Variants in PDE4D observed in about 807,000 individuals in gnomAD.
The protein encoded by PDE4D is 3',5'-cyclic-AMP phosphodiesterase 4D.
Under a neutral mutation model 87.4 loss-of-function variants are expected in PDE4D, and 24 were observed. The observed-to-expected ratio is 0.27, with a 90% CI of 0.20 to 0.39. The LOEUF is 0.39. Ranked by LOEUF, PDE4D falls within the 10% of genes least tolerant of loss-of-function variation. The pLI is 1.00. For missense variants in PDE4D, 714 were observed against 1,041.0 expected (o/e 0.69, Z 4.32); for synonymous variants, 384 against 383.2 (o/e 1.00, Z -0.02).
chr5:59,714,409 G>A (rs1026774552), intron 1 of PDE4D, among the ~76,000 whole-genome samples: 1 of 152,230 alleles, frequency 6.6e-6, no homozygotes, highest in African/African-American at 2.4e-5. Flanking sequence ...GGAACTGGCT[G>A]AGGTGCCTGG....
At chr5:59,767,831 G>A (rs1762991752) in intron 1 of PDE4D, among the ~76,000 whole-genome samples, 1 of 152,118 alleles carries the variant, frequency 6.6e-6, no homozygotes, top group Admixed American at 6.6e-5. Flanking sequence ...GGATCATGCA[G>A]AAAACAGAGC....
chr5:59,914,866 G>GT (rs1554112455), intron 3 of PDE4D, among the ~76,000 whole-genome samples: 5 of 122,620 alleles, frequency 4.1e-5, no homozygotes, highest in Admixed American at 2.6e-4. Flanking sequence ...TACTGATAGG[G>GT]GTGTGTGTGT....
At chr5:59,101,145 AG>A (rs1354982235) in intron 5 of PDE4D, among the ~76,000 whole-genome samples, 1 of 152,132 alleles carries the variant, frequency 6.6e-6, no homozygotes, top group African/African-American at 2.4e-5. Context: ...CTTCTTGAGC[AG>A]GCAGCTTAGG....
At chr5:59,293,379 G>A (rs1768424048) in intron 1 of PDE4D, among the ~76,000 whole-genome samples, 1 of 152,014 alleles carries the variant, frequency 6.6e-6, no homozygotes, top group Non-Finnish European at 1.5e-5. Context: ...AAAATAGGAG[G>A]ATCATTAATT....
chr5:59,708,206 T>C lies in PDE4D; in HGVS notation c.455+184962A>G, dbSNP rs146312724. On this transcript the variant is annotated intron_variant, in intron 1 of 14. Transcript: ENST00000340635. ...GTTTTGATTTGCATTTCTCAAATGA[T>C]CAGTGATGTTGAGCTTTTTTTTCAT... 1.4e-3 allele frequency among the ~76,000 whole-genome samples: 213 copies of C among 152,214 alleles called. 1 individual carries two copies. The highest frequency in any genetic ancestry group is 4.7e-3 in the African/African-American group (197 of 41,536).
At chr5:59,701,860 G>A (rs1233655794) in intron 1 of PDE4D, among the ~76,000 whole-genome samples, 1 of 152,164 alleles carries the variant, frequency 6.6e-6, no homozygotes, top group Non-Finnish European at 1.5e-5. Flanking sequence ...TTTGCATCCA[G>A]ACCTGAGGCC....
At chr5:59,055,451 C>T (rs1762195024) in intron 5 of PDE4D, among the ~76,000 whole-genome samples, 1 of 152,174 alleles carries the variant, frequency 6.6e-6, no homozygotes, top group Admixed American at 6.5e-5. Context: ...TTGTCTGCCC[C>T]CATTATTCCC....
At chr5:60,494,204 G>T (rs1457068087) in intron 1 of PDE4D, among the ~76,000 whole-genome samples, 1 of 152,196 alleles carries the variant, frequency 6.6e-6, no homozygotes, top group Non-Finnish European at 1.5e-5. Flanking sequence ...AGTTGAATGA[G>T]CTAAGCTAAG....
At chr5:59,782,348 T>G (rs1273281809) in intron 1 of PDE4D, among the ~76,000 whole-genome samples, 1 of 152,236 alleles carries the variant, frequency 6.6e-6, no homozygotes, top group Non-Finnish European at 1.5e-5. Context: ...ACCCACTTTT[T>G]AAACGGGAAC....
intron 1 of PDE4D, among the ~76,000 whole-genome samples, chr5:59,707,861 G>T (rs991383593): frequency 1.3e-5 from 2 of 152,114 alleles, no homozygotes; most frequent in Admixed American, 6.6e-5. Context: ...GTCTATCATT[G>T]ATGGGCATTT....
At chr5:59,158,919 T>C (rs1425811430) in intron 5 of PDE4D, among the ~76,000 whole-genome samples, 1 of 152,160 alleles carries the variant, frequency 6.6e-6, no homozygotes, top group Non-Finnish European at 1.5e-5. Flanking sequence ...ACGGTTCTAG[T>C]TGAAAAGGGC....
chr5:59,338,615 G>A (rs1042807571), intron 1 of PDE4D, among the ~76,000 whole-genome samples: 6 of 152,148 alleles, frequency 3.9e-5, no homozygotes, highest in Non-Finnish European at 7.3e-5. Flanking sequence ...TTTCTGTGAG[G>A]AAGGCAGAGG....
At chr5:60,461,624 G>A (rs769555351) in intron 1 of PDE4D, among the ~76,000 whole-genome samples, 1 of 152,186 alleles carries the variant, frequency 6.6e-6, no homozygotes, top group African/African-American at 2.4e-5. Context: ...AAACCACAGA[G>A]GGAATGGCTG....
chr5:60,476,557 G>C (rs1417978774), intron 1 of PDE4D, among the ~76,000 whole-genome samples: 1 of 152,194 alleles, frequency 6.6e-6, no homozygotes, highest in Non-Finnish European at 1.5e-5. Flanking sequence ...CACTTAGAAA[G>C]AATGTAACGA....
At chr5:59,143,893 T>C (rs77668291) in intron 5 of PDE4D, among the ~76,000 whole-genome samples, 1 of 152,198 alleles carries the variant, frequency 6.6e-6, no homozygotes, top group Non-Finnish European at 1.5e-5. Context: ...TGATAGAGTC[T>C]AAAGTTTTAA....
chr5:60,338,794 G>A (rs913114408), intron 1 of PDE4D, among the ~76,000 whole-genome samples: 2 of 151,960 alleles, frequency 1.3e-5, no homozygotes, highest in Admixed American at 6.6e-5. Flanking sequence ...AATAAGGAAA[G>A]AACAAAAATT....
chr5:59,743,888 G>C (rs574093434), intron 1 of PDE4D, among the ~76,000 whole-genome samples: 1 of 152,136 alleles, frequency 6.6e-6, no homozygotes, highest in Non-Finnish European at 1.5e-5. Flanking sequence ...AGAGTACTAT[G>C]TAACAATGAA....
intron 1 of PDE4D, among the ~76,000 whole-genome samples, chr5:60,394,267 G>A (rs75918242): frequency 0.041 from 6,208 of 152,236 alleles, 383 homozygotes; most frequent in African/African-American, 0.14. Context: ...CAAGGTCACC[G>A]TTAATGAACT....
intron 5 of PDE4D, among the ~76,000 whole-genome samples, chr5:59,089,169 A>ATTT (rs1255071181): frequency 6.6e-6 from 1 of 151,778 alleles, no homozygotes; most frequent in African/African-American, 2.4e-5. Flanking sequence ...CAATTTATAC[A>ATTT]TTTTTGTTGT....
Sources: allele counts gnomAD v4.1 joint callset (sites outside exome capture counted in the v4.1 genomes callset), GRCh38; gene constraint gnomAD v4.1.1; transcripts MANE v1.5; gene names NCBI Gene and HGNC (gene_info 2026-07-23, HGNC 2026-07-21).